THSD7A: variants seen among roughly 807,000 people sequenced by gnomAD.
The protein encoded by THSD7A is thrombospondin type 1 domain containing 7A, also known as thrombospondin type-1 domain-containing protein 7A.
In THSD7A, 96 loss-of-function variants were observed where a neutral mutation model predicts 231.3. The ratio of observed to expected loss-of-function variants is 0.41; its 90% CI spans 0.35 to 0.49. The LOEUF (loss-of-function observed/expected upper bound fraction) is 0.49, where lower values mean the gene tolerates loss of function less well. THSD7A is among the 20% of genes least tolerant of loss of function. THSD7A has a pLI of 0.05. For synonymous variants in THSD7A, 940 were observed against 743.3 expected, an observed-to-expected ratio of 1.26 and a Z score of -4.30; for missense variants, 2,290 against 2,070.2, an observed-to-expected ratio of 1.11 and a Z score of -2.06.
At chr7:11,792,219 C>A (rs1783974100) in intron 1 of THSD7A, among the ~76,000 whole-genome samples, 1 of 151,906 alleles carries the variant, frequency 6.6e-6, no homozygotes. Flanking sequence ...TCTGGCTTGA[C>A]TATTTTGAAT....
At chr7:11,380,525 T>C (rs1206401464) in intron 24 of THSD7A, among the ~76,000 whole-genome samples, 1 of 152,192 alleles carries the variant, frequency 6.6e-6, no homozygotes, top group Non-Finnish European at 1.5e-5. Context: ...TAATTGTCTG[T>C]GTTTCTCTCA....
chr7:11,519,479 C>A (rs1788173499), intron 6 of THSD7A, among the ~76,000 whole-genome samples: 1 of 152,148 alleles, frequency 6.6e-6, no homozygotes, highest in African/African-American at 2.4e-5. Context: ...GTTCACTTCG[C>A]TAGGTACTGG....
At chr7:11,757,445 A>G (rs1309929960) in intron 1 of THSD7A, among the ~76,000 whole-genome samples, 1 of 152,034 alleles carries the variant, frequency 6.6e-6, no homozygotes, top group Admixed American at 6.6e-5. Flanking sequence ...GAAAGGAAGT[A>G]TTACTGATCT....
In THSD7A at chr7:11,820,501, T is replaced by G. The variant is rs118074523; in HGVS notation, c.190+11256A>C. 3,029 of 913,096 alleles carry G rather than the reference T, an allele frequency of 3.3e-3. 9 individuals carry two copies. The highest frequency in any genetic ancestry group is 4.4e-3 in the Middle Eastern group (18 of 4,076). 56.6% of individuals were successfully genotyped at this position (913,096 alleles called of 1,614,324 possible). A position where few individuals can be genotyped will look rare whatever the true frequency, so the allele number is the denominator to read the frequency against. On this transcript the variant is annotated intron_variant, in intron 1 of 27. Transcript: ENST00000423059. ...TCATGCAAGTAATACTTCTTGCTTT[T>G]GGGTGTGTAATCTAGGTCCCACTCC...
chr7:11,652,125 T>C (rs2128369001), intron 1 of THSD7A, among the ~76,000 whole-genome samples: 1 of 152,046 alleles, frequency 6.6e-6, no homozygotes, highest in East Asian at 1.9e-4. Flanking sequence ...ATCAAAATTA[T>C]TTATAGATAC....
At chr7:11,781,229 G>T (rs974242176) in intron 1 of THSD7A, among the ~76,000 whole-genome samples, 30 of 151,616 alleles carry the variant, frequency 2.0e-4, no homozygotes, top group Admixed American at 3.3e-4. Context: ...TTGAAGCCGG[G>T]TGTACAAGCC....
intron 1 of THSD7A, among the ~76,000 whole-genome samples, chr7:11,713,667 A>T (rs1479051654): frequency 6.6e-6 from 1 of 151,184 alleles, no homozygotes; most frequent in Non-Finnish European, 1.5e-5. Context: ...GTGGACCTCA[A>T]TCTTTATTAA....
At chr7:11,662,038 GAGAA>G (rs1353315547) in intron 1 of THSD7A, among the ~76,000 whole-genome samples, 2 of 150,820 alleles carry the variant, frequency 1.3e-5, no homozygotes, top group Non-Finnish European at 3.0e-5. Flanking sequence ...AAAATAATCA[GAGAA>G]AGAAAGGAGA....
At chr7:11,408,491 C>G (rs969540502) in intron 19 of THSD7A, among the ~76,000 whole-genome samples, 1 of 140,842 alleles carries the variant, frequency 7.1e-6, no homozygotes, top group Non-Finnish European at 1.5e-5. Flanking sequence ...GAGCAAGACT[C>G]TGTCTCCAAA....
intron 4 of THSD7A, among the ~76,000 whole-genome samples, chr7:11,558,966 A>C (rs1241511679): frequency 3.1e-5 from 4 of 129,044 alleles, no homozygotes; most frequent in African/African-American, 1.1e-4. Flanking sequence ...GTGCGTTAGA[A>C]AGATGAGATG....
At chr7:11,393,359 T>C (rs984862328) in intron 23 of THSD7A, among the ~76,000 whole-genome samples, 1 of 152,126 alleles carries the variant, frequency 6.6e-6, no homozygotes, top group African/African-American at 2.4e-5. Flanking sequence ...GACCCCGAAC[T>C]GAAGGTAACC....
At chr7:11,501,810 C>CA (rs1164900597) in intron 6 of THSD7A, among the ~76,000 whole-genome samples, 5 of 151,660 alleles carry the variant, frequency 3.3e-5, no homozygotes, top group Non-Finnish European at 7.4e-5. Context: ...AATTAAGACA[C>CA]AAAAAAACAT....
intron 1 of THSD7A, among the ~76,000 whole-genome samples, chr7:11,748,935 G>A (rs775257696): frequency 5.9e-5 from 9 of 151,888 alleles, no homozygotes; most frequent in East Asian, 1.9e-4. Flanking sequence ...TAGCTGCAGC[G>A]AACACCGGGA....
chr7:11,561,974 A>C (rs1790096616), intron 4 of THSD7A, among the ~76,000 whole-genome samples: 1 of 152,222 alleles, frequency 6.6e-6, no homozygotes, highest in Non-Finnish European at 1.5e-5. Flanking sequence ...TTAATATGGC[A>C]GTTAGTAGAA....
In THSD7A at chr7:11,590,532, T is replaced by C. The variant is rs771653301; in HGVS notation, c.1381A>G (p.Thr461Ala). The C allele has an allele frequency of 3.1e-6, 5 of 1,613,922 alleles. No individual in the cohort carries two copies. Among genetic ancestry groups the C allele is most frequent in the Non-Finnish European group, 4.2e-6 (5 of 1,179,858 alleles). Reference protein sequence around the residue: ...QTALCGGGIQTREVYCVQANE... With the variant: ...QTALCGGGIQAREVYCVQANE... ...GCCTGCACGCAGTACACCTCTCGGG[T>C]CTGGATGCCCCCTCCACAGAGGGCC... Residue 461 changes from threonine to alanine, a missense_variant, in exon 4 of 28, where the codon ACC becomes GCC. By Grantham distance (58) the Thr-to-Ala change is moderately conservative (BLOSUM62 0). Transcript: ENST00000423059. This position sits in a 1 kb window ranked among gnomAD's most constrained non-coding sequence, Gnocchi z 4.4.
chr7:11,622,924 T>G (rs1012335747), intron 2 of THSD7A, among the ~76,000 whole-genome samples: 1 of 152,200 alleles, frequency 6.6e-6, no homozygotes, highest in Non-Finnish European at 1.5e-5. Flanking sequence ...GCTTTAGAGA[T>G]ATCTTCATAG....
intron 6 of THSD7A, among the ~76,000 whole-genome samples, chr7:11,530,229 T>C (rs1217731278): frequency 6.6e-6 from 1 of 152,190 alleles, no homozygotes; most frequent in Admixed American, 6.5e-5. Flanking sequence ...TGCTCCACTG[T>C]ACTGGGACTT....
At chr7:11,407,147 C>T (rs1783613070) in intron 20 of THSD7A, 92 bp from the exon 21 acceptor site, 1 of 1,523,252 alleles carries the variant, frequency 6.6e-7, no homozygotes, top group Non-Finnish European at 8.9e-7. Context: ...GTGATATCTC[C>T]TGAGGCAATC....
chr7:11,476,334 C>T (rs1786176331), intron 7 of THSD7A, among the ~76,000 whole-genome samples: 2 of 150,600 alleles, frequency 1.3e-5, no homozygotes, highest in African/African-American at 2.5e-5. Flanking sequence ...CACACACACA[C>T]ACACACACAC....
Sources: allele counts gnomAD v4.1 joint callset (sites outside exome capture counted in the v4.1 genomes callset), GRCh38; gene constraint gnomAD v4.1.1; non-coding constraint Gnocchi (gnomAD v3.1); transcripts MANE v1.5; gene names NCBI Gene and HGNC (gene_info 2026-07-23, HGNC 2026-07-21).